Variants in RARS1 observed in about 807,000 individuals in gnomAD.
The protein encoded by RARS1 is arginyl-tRNA synthetase 1.
A neutral mutation model predicts 78.7 loss-of-function variants in RARS1; 75 were observed. The ratio of observed to expected loss-of-function variants is 0.95; its 90% CI spans 0.79 to 1.15. RARS1 has a LOEUF of 1.15. Ranked by LOEUF, RARS1 falls within the 50% of genes most tolerant of loss-of-function variation. The probability of loss-of-function intolerance (pLI) is 0.00; values close to 1 mark genes in which losing one functional copy is unlikely to be tolerated. For missense variants in RARS1, 787 were observed against 787.5 expected (o/e 1.00, Z 0.01); for synonymous variants, 273 against 268.2 (o/e 1.02, Z -0.18).
chr5:168,488,234 T>C, intron 1 of RARS1: 1 of 371,590 alleles, frequency 2.7e-6, no homozygotes, highest in Non-Finnish European at 5.4e-6. Flanking sequence ...TTCAGGCAAT[T>C]CTCCTGCCTC....
chr5:168,498,569 T>C (rs188937585), intron 7 of RARS1, among the ~76,000 whole-genome samples: 1 of 152,366 alleles, frequency 6.6e-6, no homozygotes, highest in East Asian at 1.9e-4. Context: ...GTTGGATCAG[T>C]GTACCAATGT....
At chr5:168,495,843 G>A (rs576172473) in intron 6 of RARS1, among the ~76,000 whole-genome samples, 3 of 152,230 alleles carry the variant, frequency 2.0e-5, no homozygotes, top group South Asian at 2.1e-4. Context: ...AGTTTGTGAA[G>A]CAGGGTGATC....
chr5:168,493,851 C>A, intron 3 of RARS1, 43 bp from the exon 4 acceptor site: 1 of 1,505,702 alleles, frequency 6.6e-7, no homozygotes, highest in Non-Finnish European at 9.2e-7. Flanking sequence ...GAGTAACTTG[C>A]TGAAATCTGT....
At chr5:168,517,298 A>T (rs1758685703) in intron 13 of RARS1, among the ~76,000 whole-genome samples, 1 of 152,108 alleles carries the variant, frequency 6.6e-6, no homozygotes, top group Non-Finnish European at 1.5e-5. Flanking sequence ...ACTCACCACC[A>T]TGCCCAGCTA....
At chr5:168,495,171 A>G in intron 5 of RARS1, 144 bp from the exon 6 acceptor site, 1 of 1,365,732 alleles carries the variant, frequency 7.3e-7, no homozygotes, top group Non-Finnish European at 9.7e-7. Flanking sequence ...TTACGGCCCA[A>G]ATTAATGTTT....
intron 6 of RARS1, among the ~76,000 whole-genome samples, chr5:168,496,600 A>G (rs1373025439): frequency 6.6e-6 from 1 of 151,528 alleles, no homozygotes; most frequent in Non-Finnish European, 1.5e-5. Context: ...CTCCTGCCTC[A>G]TCCTCCCGAG....
intron 11 of RARS1, among the ~76,000 whole-genome samples, chr5:168,508,619 C>CAAAA (rs34579916): frequency 1.6e-4 from 10 of 61,248 alleles, no homozygotes; most frequent in East Asian, 1.3e-3. Flanking sequence ...GACTCTGTCT[C>CAAAA]AAAAAAAAAA....
intron 11 of RARS1, among the ~76,000 whole-genome samples, chr5:168,508,146 T>C (rs991993395): frequency 4.6e-5 from 7 of 152,068 alleles, no homozygotes; most frequent in African/African-American, 1.4e-4. Flanking sequence ...TTCTTAACGG[T>C]TGGTTTTTTG....
chr5:168,511,713 A>G (rs576929351), intron 12 of RARS1, among the ~76,000 whole-genome samples: 34 of 152,302 alleles, frequency 2.2e-4, no homozygotes, highest in African/African-American at 7.9e-4. Flanking sequence ...ATTTTTACAT[A>G]TATATGCCTT....
intron 12 of RARS1, among the ~76,000 whole-genome samples, chr5:168,513,920 A>C (rs180866830): frequency 1.6e-4 from 24 of 152,146 alleles, no homozygotes; most frequent in Admixed American, 1.4e-3. Flanking sequence ...CAATGTTTTT[A>C]TTGGGTATAG....
At chr5:168,492,994 G>T (rs947928224) in intron 3 of RARS1, 147 bp downstream of exon 3, 3 of 751,852 alleles carry the variant, frequency 4.0e-6, no homozygotes, top group Non-Finnish European at 6.1e-6. Context: ...AAGGAGTTGG[G>T]GGGGTATATG....
chr5:168,516,443 A>G (rs1758667752), intron 12 of RARS1, among the ~76,000 whole-genome samples: 1 of 152,162 alleles, frequency 6.6e-6, no homozygotes, highest in African/African-American at 2.4e-5. Flanking sequence ...TAACCTCACA[A>G]TGTTCATAGT....
intron 2 of RARS1, among the ~76,000 whole-genome samples, chr5:168,492,176 A>G (rs528408199): frequency 6.6e-6 from 1 of 152,318 alleles, no homozygotes; most frequent in African/African-American, 2.4e-5. Context: ...GTCTCATAAC[A>G]GTAAAACAAA....
At chr5:168,512,097 C>G (rs1401235617) in intron 12 of RARS1, among the ~76,000 whole-genome samples, 1 of 151,870 alleles carries the variant, frequency 6.6e-6, no homozygotes, top group Admixed American at 6.6e-5. Context: ...GCGATCCACT[C>G]ACCTTGCCGT....
At position 168,518,071 on chromosome 5, in the gene RARS1, CTTTTTTTTTTT is replaced by C. The variant is rs747777615; in HGVS notation, c.1873+23_1873+33del. On this transcript the variant is annotated intron_variant, in intron 14 of 14. Transcript: ENST00000231572. Reference sequence around the variant, plus strand: ...GAAAGATAGACAGACTGGTGAGTGTCTTTTTTTTTTTTTTTTTTTTTTTTAGTGAGAGACAC... The same window carrying C: ...GAAAGATAGACAGACTGGTGAGTGTCTTTTTTTTTTTTTAGTGAGAGACAC... The C allele has an allele frequency of 3.7e-5, 28 of 747,548 alleles. No homozygotes were observed. The highest frequency in any genetic ancestry group is 1.4e-3 in the Middle Eastern group (2 of 1,420). The allele number at this position is 747,548 out of a possible 1,614,324, so 46.3% of individuals were successfully genotyped here. A position where few individuals can be genotyped will look rare whatever the true frequency, so the allele number is the denominator to read the frequency against.
intron 11 of RARS1, among the ~76,000 whole-genome samples, chr5:168,508,638 A>AG (rs1268471301): frequency 6.6e-6 from 1 of 151,768 alleles, no homozygotes; most frequent in Non-Finnish European, 1.5e-5. Flanking sequence ...AAAAAAAAAA[A>AG]AAAAAATTCT....
At position 168,486,548 on chromosome 5, in the gene RARS1, G is replaced by C; in HGVS notation, c.45+5G>C. The C allele has an allele frequency of 1.3e-6, 2 of 1,556,414 alleles. No individual in the cohort carries two copies. The highest frequency in any genetic ancestry group is 1.7e-6 in the Non-Finnish European group (2 of 1,149,202). On this transcript the variant is annotated splice_donor_5th_base_variant and intron_variant, in intron 1 of 14. Coordinates refer to ENST00000231572, the MANE Select transcript of RARS1 (RefSeq NM_002887.4). ...TCCGCGCGGCTGCTGCAGCAGGTTT[G>C]GACGCAGGAGACCGGCGGGAAGGCC... is the stretch of plus-strand genomic sequence containing the variant.
Position 168,518,069 on chromosome 5 carries a change from GTCT to G in RARS1, c.1873+9_1873+11del. On this transcript the variant is annotated splice_region_variant and intron_variant, in intron 14 of 14. Transcript: ENST00000231572. Reference sequence around the variant, plus strand: ...GAGAAAGATAGACAGACTGGTGAGTGTCTTTTTTTTTTTTTTTTTTTTTTTTAG... The same window carrying G: ...GAGAAAGATAGACAGACTGGTGAGTGTTTTTTTTTTTTTTTTTTTTTTTAG... 2.4e-5 allele frequency: 16 copies of G among 675,670 alleles called. No homozygotes were observed. Among genetic ancestry groups the G allele is most frequent in the South Asian group, 6.5e-5 (2 of 30,674 alleles). 41.9% of individuals were successfully genotyped at this position (675,670 alleles called of 1,614,324 possible).
At chr5:168,499,323 CAT>C (rs2152904405) in intron 7 of RARS1, among the ~76,000 whole-genome samples, 1 of 152,136 alleles carries the variant, frequency 6.6e-6, no homozygotes, top group South Asian at 2.1e-4. Flanking sequence ...AAAAAATAAA[CAT>C]AAAAAAAATT....
Sources: gnomAD v4.1 joint callset for allele counts (sites outside exome capture counted in the v4.1 genomes callset) on GRCh38, gnomAD v4.1.1 for gene constraint, MANE v1.5 for transcripts, NCBI Gene and HGNC (gene_info 2026-07-23, HGNC 2026-07-21) for gene names.